The following PHACTR3 variants were observed in gnomAD, a reference collection of about 807,000 sequenced individuals.
PHACTR3 encodes protein phosphatase 1, regulatory subunit 123.
Under a neutral mutation model 66.8 loss-of-function variants are expected in PHACTR3, and 16 were observed. That is an observed-to-expected ratio of 0.24 (90% CI 0.16 to 0.36). The LOEUF (loss-of-function observed/expected upper bound fraction) is 0.36. Among genes scored for constraint, PHACTR3 ranks in the 10% least tolerant of loss-of-function variants. The pLI is 1.00. For missense variants in PHACTR3, 647 were observed against 719.9 expected (o/e 0.90, Z 1.16); for synonymous variants, 323 against 292.1 (o/e 1.11, Z -1.08).
intron 5 of PHACTR3, among the ~76,000 whole-genome samples, chr20:59,770,772 C>G (rs2040331982): frequency 6.6e-6 from 1 of 152,208 alleles, no homozygotes; most frequent in African/African-American, 2.4e-5. Flanking sequence ...AGGTCCTTTG[C>G]ATTCCTGGGT....
chr20:59,593,577 TAAG>T (rs1002574631), intron 1 of PHACTR3, among the ~76,000 whole-genome samples: 2 of 152,154 alleles, frequency 1.3e-5, no homozygotes, highest in African/African-American at 4.8e-5. Flanking sequence ...TCACAAAACC[TAAG>T]GTTTTCTAGA....
intron 1 of PHACTR3, among the ~76,000 whole-genome samples, chr20:59,682,495 A>G (rs1239746066): frequency 4.6e-5 from 7 of 152,218 alleles, no homozygotes; most frequent in African/African-American, 1.7e-4. Flanking sequence ...GTGGGAGAGG[A>G]CAATGAACGG....
intron 8 of PHACTR3, among the ~76,000 whole-genome samples, chr20:59,832,314 T>A (rs750639684): frequency 6.6e-6 from 1 of 152,242 alleles, no homozygotes; most frequent in Non-Finnish European, 1.5e-5. Flanking sequence ...CAACTCTGCA[T>A]GAAGAGTTAG....
intron 1 of PHACTR3, among the ~76,000 whole-genome samples, chr20:59,725,524 C>T (rs907862003): frequency 6.6e-6 from 1 of 152,168 alleles, no homozygotes; most frequent in Non-Finnish European, 1.5e-5. Context: ...TGGGTATCAC[C>T]CCAGTACCTG....
At chr20:59,700,581 A>G (rs2037465585) in intron 1 of PHACTR3, among the ~76,000 whole-genome samples, 1 of 152,214 alleles carries the variant, frequency 6.6e-6, no homozygotes, top group Admixed American at 6.5e-5. Flanking sequence ...GGTAGTGCTT[A>G]AAAACATCAT....
In PHACTR3 at chr20:59,767,305, C is replaced by T. The variant is rs2040211429; in HGVS notation, c.661C>T (p.Leu221=). 1 of 1,614,126 alleles carries T rather than the reference C, an allele frequency of 6.2e-7. No homozygotes were observed. Among genetic ancestry groups the T allele is most frequent in the Non-Finnish European group, 8.5e-7 (1 of 1,180,048 alleles). The change falls in exon 5 of 13, where the codon CTG becomes TTG. Residue 221 remains leucine (L), a synonymous_variant. Transcript: ENST00000371015. Reference sequence around the variant, plus strand: ...CTCCCTGGACAGTCCTCCCAGACCTCTGGAGAGATCCGTGGGCCAGCTCCC... The same window carrying T: ...CTCCCTGGACAGTCCTCCCAGACCTTTGGAGAGATCCGTGGGCCAGCTCCC... The part of the protein sequence containing the change: ...ADSLDSPPRP[L]ERSVGQLPSP...
intron 8 of PHACTR3, among the ~76,000 whole-genome samples, chr20:59,821,159 C>T (rs1190724522): frequency 6.6e-6 from 1 of 152,050 alleles, no homozygotes; most frequent in Non-Finnish European, 1.5e-5. Context: ...GAAATGGAGG[C>T]CCAGAGAGAT....
At chr20:59,619,828 G>A (rs1239387006) in intron 1 of PHACTR3, among the ~76,000 whole-genome samples, 4 of 152,200 alleles carry the variant, frequency 2.6e-5, no homozygotes, top group Non-Finnish European at 4.4e-5. Flanking sequence ...CTACCCTGGC[G>A]GAGCTGAGAA....
rs1464148172 is a variant in PHACTR3, at chr20:59,604,873, C to A, written c.-142C>A. On this transcript the variant is annotated 5_prime_UTR_variant, in exon 1 of 13. Transcript: ENST00000371015. ...TCTTTCTCCAGCTCGTTTCCTTTCC[C>A]GGCCTTTTTTTTTTTTTTTTTTTTT... The A allele has an allele frequency of 3.4e-6, 4 of 1,183,618 alleles. No homozygotes were observed. The African/African-American group carries it at 6.6e-5, about 20-fold the overall frequency. The allele number at this position is 1,183,618 out of a possible 1,614,324, so 73.3% of individuals were successfully genotyped here.
rs149976884 is a variant in PHACTR3 at position 59,615,776 on chromosome 20, T to C, written c.118+10644T>C. ...GGCCTAGGCTGGAAACCTTCACTTATGCTGATTCTGTTAGCCTATTGGCCA... is the reference window on the plus strand; with the variant it reads ...GGCCTAGGCTGGAAACCTTCACTTACGCTGATTCTGTTAGCCTATTGGCCA... On this transcript the variant is annotated intron_variant, in intron 1 of 12. Transcript: ENST00000371015. 6.7e-3 allele frequency among the ~76,000 whole-genome samples: 1,016 copies of C among 152,334 alleles called. 20 individuals carry two copies. The highest frequency in any genetic ancestry group is 0.023 in the African/African-American group (950 of 41,574).
chr20:59,656,969 A>G (rs2035638281), intron 1 of PHACTR3, among the ~76,000 whole-genome samples: 1 of 151,936 alleles, frequency 6.6e-6, no homozygotes, highest in African/African-American at 2.4e-5. Flanking sequence ...TATTACATCT[A>G]TATGCTACAA....
At chr20:59,678,568 C>T (rs1486963050) in intron 1 of PHACTR3, among the ~76,000 whole-genome samples, 2 of 152,158 alleles carry the variant, frequency 1.3e-5, no homozygotes, top group Non-Finnish European at 2.9e-5. Context: ...TTTTTAGCTT[C>T]CTTTCTTCCC....
intron 3 of PHACTR3, among the ~76,000 whole-genome samples, chr20:59,750,778 A>C (rs754910809): frequency 1.3e-5 from 2 of 152,178 alleles, no homozygotes; most frequent in Non-Finnish European, 2.9e-5. Flanking sequence ...TGCTTTTCGC[A>C]GTCGACTCTT....
rs142901856 is a variant in PHACTR3 at position 59,658,684 on chromosome 20, C to A, written c.118+53552C>A. Among the ~76,000 whole-genome samples the A allele has an allele frequency of 9.0e-3, 1,368 of 152,284 alleles. 27 individuals are homozygous for A. Among genetic ancestry groups the A allele is most frequent in the African/African-American group, 0.031 (1,287 of 41,554 alleles). On this transcript the variant is annotated intron_variant, in intron 1 of 12. Coordinates refer to ENST00000371015, the MANE Select transcript of PHACTR3 (RefSeq NM_080672.5). ...TCTGTCTGCCTCTGTTGGTATCATACCAAGCTATTAGGCTCCACTAACTGC... is the reference window on the plus strand; with the variant it reads ...TCTGTCTGCCTCTGTTGGTATCATAACAAGCTATTAGGCTCCACTAACTGC...
At chr20:59,717,365 CA>C (rs2038129429) in intron 1 of PHACTR3, among the ~76,000 whole-genome samples, 1 of 152,202 alleles carries the variant, frequency 6.6e-6, no homozygotes, top group Non-Finnish European at 1.5e-5. Flanking sequence ...AATTTTCCCC[CA>C]GTGCTAAACT....
At position 59,793,480 on chromosome 20, in the gene PHACTR3, A is replaced by C. The variant is rs559674101; in HGVS notation, c.1175-12561A>C. The stretch of plus-strand genomic sequence containing the variant: ...TTTCTTTCAATGATTCATAATTTTC[A>C]GAATACAGATCTTTCATCTCCTTGG... On this transcript the variant is annotated intron_variant, in intron 7 of 12. Coordinates refer to ENST00000371015, the MANE Select transcript of PHACTR3 (RefSeq NM_080672.5). 5.3e-4 allele frequency among the ~76,000 whole-genome samples: 80 copies of C among 152,300 alleles called. No homozygotes were observed. The South Asian group carries it at 0.013, about 25-fold the overall frequency.
chr20:59,807,819 T>G (rs528758087), intron 8 of PHACTR3, among the ~76,000 whole-genome samples: 80 of 152,240 alleles, frequency 5.3e-4, no homozygotes, highest in Non-Finnish European at 8.5e-4. Context: ...TGAAATGTCA[T>G]GAGGTGCATG....
intron 1 of PHACTR3, among the ~76,000 whole-genome samples, chr20:59,656,712 T>G (rs2035631546): frequency 6.6e-6 from 1 of 151,950 alleles, no homozygotes; most frequent in Non-Finnish European, 1.5e-5. Context: ...CCTTTTTTGT[T>G]CCTCTATTTT....
chr20:59,787,944 C>T (rs2040968104), intron 7 of PHACTR3, among the ~76,000 whole-genome samples: 1 of 152,156 alleles, frequency 6.6e-6, no homozygotes, highest in Admixed American at 6.5e-5. Flanking sequence ...AATACACACC[C>T]ACAGATGCAT....
Sources: gnomAD v4.1 joint callset for allele counts (sites outside exome capture counted in the v4.1 genomes callset) on GRCh38, gnomAD v4.1.1 for gene constraint, MANE v1.5 for transcripts, NCBI Gene and HGNC (gene_info 2026-07-23, HGNC 2026-07-21) for gene names.